The following SH3GL2 variants were observed in gnomAD, a reference collection of about 807,000 sequenced individuals.
SH3GL2 encodes the protein endophilin-A1.
A neutral mutation model predicts 46.0 loss-of-function variants in SH3GL2; 24 were observed. That is an observed-to-expected ratio of 0.52 (90% CI 0.38 to 0.73). The LOEUF (loss-of-function observed/expected upper bound fraction) is 0.73. Ranked by LOEUF, SH3GL2 falls within the 30% of genes least tolerant of loss-of-function variation. The pLI is 0.00. For synonymous variants in SH3GL2, 196 were observed against 147.1 expected (o/e 1.33, Z -2.40); for missense variants, 413 against 424.2 (o/e 0.97, Z 0.23).
At chr9:17,727,944 A>G (rs1436409866) in intron 1 of SH3GL2, among the ~76,000 whole-genome samples, 2 of 152,146 alleles carry the variant, frequency 1.3e-5, no homozygotes, top group Non-Finnish European at 2.9e-5. Context: ...ACTAAGACAG[A>G]CATGTGGGCA....
intron 1 of SH3GL2, among the ~76,000 whole-genome samples, chr9:17,668,123 A>C (rs1200382810): frequency 1.3e-5 from 2 of 152,324 alleles, no homozygotes; most frequent in Admixed American, 6.5e-5. Flanking sequence ...TTGAAACACA[A>C]AGTTTTGATG....
At chr9:17,719,522 A>G (rs146746593) in intron 1 of SH3GL2, among the ~76,000 whole-genome samples, 12 of 152,248 alleles carry the variant, frequency 7.9e-5, no homozygotes, top group African/African-American at 1.2e-4. Context: ...ACAATGGCTC[A>G]TGCCTGTAAT....
chr9:17,701,188 G>A (rs1821336000), intron 1 of SH3GL2, among the ~76,000 whole-genome samples: 1 of 152,202 alleles, frequency 6.6e-6, no homozygotes, highest in South Asian at 2.1e-4. Context: ...ATACACAGAA[G>A]AAATCAGTAC....
chr9:17,689,605 C>G (rs1480808086), intron 1 of SH3GL2, among the ~76,000 whole-genome samples: 1 of 151,646 alleles, frequency 6.6e-6, no homozygotes, highest in Admixed American at 6.6e-5. Flanking sequence ...GCCCCTCCTC[C>G]TTAGCACTGT....
At chr9:17,700,333 T>C (rs1048493492) in intron 1 of SH3GL2, among the ~76,000 whole-genome samples, 1 of 152,180 alleles carries the variant, frequency 6.6e-6, no homozygotes, top group African/African-American at 2.4e-5. Context: ...CACTGTGTTT[T>C]GTCGTGTATG....
chr9:17,639,033 T>G (rs768034918), intron 1 of SH3GL2, among the ~76,000 whole-genome samples: 2 of 152,202 alleles, frequency 1.3e-5, no homozygotes, highest in Non-Finnish European at 2.9e-5. Flanking sequence ...GAGAGGCTAT[T>G]AGCCAAGTGT....
chr9:17,704,890 C>T lies in SH3GL2; in HGVS notation c.46-42176C>T, dbSNP rs181596699. On this transcript the variant is annotated intron_variant, in intron 1 of 8. Coordinates refer to ENST00000380607, the MANE Select transcript of SH3GL2 (RefSeq NM_003026.5). ...ATAGGACTTGGCAAAGATTTCATGA[C>T]GAAAATGCCAAAAGTAATTGCAACA... 7.2e-5 allele frequency among the ~76,000 whole-genome samples: 11 copies of T among 152,040 alleles called. No homozygotes were observed. In the East Asian group the frequency reaches 1.5e-3, roughly 21 times the overall value.
At chr9:17,644,244 G>A (rs1485216542) in intron 1 of SH3GL2, among the ~76,000 whole-genome samples, 1 of 151,332 alleles carries the variant, frequency 6.6e-6, no homozygotes, top group Non-Finnish European at 1.5e-5. Context: ...TTATTAGTCT[G>A]GCTAGCCATC....
intron 1 of SH3GL2, chr9:17,735,749 T>C (rs1822316015): frequency 2.0e-6 from 2 of 980,720 alleles, no homozygotes; most frequent in Admixed American, 6.2e-5. Flanking sequence ...AATGGGAAGA[T>C]AAAGCTGGCA....
At chr9:17,670,814 C>A (rs777326411) in intron 1 of SH3GL2, among the ~76,000 whole-genome samples, 1 of 152,144 alleles carries the variant, frequency 6.6e-6, no homozygotes, top group South Asian at 2.1e-4. Flanking sequence ...ATGGGACTTA[C>A]ATATACATCA....
rs75348795 is a variant in SH3GL2, at chr9:17,782,894, C to A, written c.188-3487C>A. On this transcript the variant is annotated intron_variant, in intron 3 of 8. Transcript: ENST00000380607. ...CACGCCAGCCTTCATAGTATTAGGGCTGCTGCTTCAACTTCACCTCCCAAA... is the reference window on the plus strand; with the variant it reads ...CACGCCAGCCTTCATAGTATTAGGGATGCTGCTTCAACTTCACCTCCCAAA... Among the ~76,000 whole-genome samples the A allele has an allele frequency of 8.4e-3, 1,285 of 152,284 alleles. 29 individuals carry two copies. The highest frequency in any genetic ancestry group is 0.03 in the African/African-American group (1,230 of 41,558).
At chr9:17,685,687 C>G (rs1031751807) in intron 1 of SH3GL2, among the ~76,000 whole-genome samples, 8 of 151,996 alleles carry the variant, frequency 5.3e-5, no homozygotes, top group African/African-American at 1.9e-4. Context: ...TTTCCCAGCA[C>G]CATTTATTAA....
At chr9:17,617,139 C>A (rs922308193) in intron 1 of SH3GL2, among the ~76,000 whole-genome samples, 1 of 152,192 alleles carries the variant, frequency 6.6e-6, no homozygotes, top group African/African-American at 2.4e-5. Context: ...ACACCAAGAG[C>A]TTCCCCATTG....
intron 1 of SH3GL2, among the ~76,000 whole-genome samples, chr9:17,695,390 T>G (rs76477980): frequency 4.6e-5 from 7 of 152,220 alleles, no homozygotes; most frequent in African/African-American, 1.7e-4. Context: ...TATTGAAGAT[T>G]TTTATTTCCA....
chr9:17,776,582 T>C (rs541528913), intron 3 of SH3GL2, among the ~76,000 whole-genome samples: 2 of 152,258 alleles, frequency 1.3e-5, no homozygotes, highest in Admixed American at 6.5e-5. Flanking sequence ...ATCAGGAACA[T>C]TGTACTTAAC....
intron 1 of SH3GL2, among the ~76,000 whole-genome samples, chr9:17,617,723 G>A (rs1292324655): frequency 6.6e-6 from 1 of 152,132 alleles, no homozygotes; most frequent in East Asian, 1.9e-4. Context: ...TGAGTTTTCA[G>A]CTGACAAATT....
intron 1 of SH3GL2, among the ~76,000 whole-genome samples, chr9:17,634,577 A>G (rs1819501716): frequency 6.6e-6 from 1 of 152,158 alleles, no homozygotes; most frequent in African/African-American, 2.4e-5. Context: ...CTACTACTAA[A>G]TTTTTTGACT....
intron 1 of SH3GL2, among the ~76,000 whole-genome samples, chr9:17,684,703 C>A (rs1357794974): frequency 2.0e-5 from 3 of 152,026 alleles, no homozygotes; most frequent in Non-Finnish European, 4.4e-5. Context: ...ATTTCAAAGT[C>A]AACCAGAGAA....
intron 3 of SH3GL2, among the ~76,000 whole-genome samples, chr9:17,783,176 C>T (rs1252352243): frequency 6.6e-6 from 1 of 152,020 alleles, no homozygotes; most frequent in African/African-American, 2.4e-5. Context: ...AGAGATTTCT[C>T]AGGGATTCAC....
Sources: allele counts gnomAD v4.1 joint callset (sites outside exome capture counted in the v4.1 genomes callset), GRCh38; gene constraint gnomAD v4.1.1; transcripts MANE v1.5; gene names NCBI Gene and HGNC (gene_info 2026-07-23, HGNC 2026-07-21).